Variants in TJP1 observed in about 807,000 individuals in gnomAD.
The protein encoded by TJP1 is tight junction protein ZO-1.
A neutral mutation model predicts 194.2 loss-of-function variants in TJP1; 43 were observed. That is an observed-to-expected ratio of 0.22 (90% CI 0.17 to 0.29). The LOEUF (loss-of-function observed/expected upper bound fraction) is 0.29. TJP1 is among the 10% of genes least tolerant of loss of function. The pLI is 1.00. For synonymous variants in TJP1, 801 were observed against 779.0 expected (o/e 1.03, Z -0.47); for missense variants, 1,971 against 2,185.7 (o/e 0.90, Z 1.96).
chr15:29,967,964 C>A (rs1334961418), intron 1 of TJP1: 1 of 702,010 alleles, frequency 1.4e-6, no homozygotes, highest in Non-Finnish European at 1.7e-6. Context: ...CAGTGGCATA[C>A]CTAGGTGGCT....
At chr15:29,961,151 T>A (rs1385080945) in intron 1 of TJP1, among the ~76,000 whole-genome samples, 15 of 152,024 alleles carry the variant, frequency 9.9e-5, no homozygotes, top group African/African-American at 3.6e-4. Context: ...ATAAATTCTT[T>A]TAATCCCCTG....
upstream of TJP1, chr15:29,822,959 A>C (rs2050520964): frequency 6.6e-6 from 1 of 152,184 alleles, no homozygotes; most frequent in Admixed American, 6.5e-5. Flanking sequence ...CATGGCTTTC[A>C]TCTCCGAGGA....
chr15:29,787,769 T>C (rs919724411), intron 2 of TJP1, among the ~76,000 whole-genome samples: 1 of 152,252 alleles, frequency 6.6e-6, no homozygotes, highest in Non-Finnish European at 1.5e-5. Context: ...AGATCTATTA[T>C]GAATAATGGT....
chr15:29,786,859 G>A (rs757771982), intron 2 of TJP1, among the ~76,000 whole-genome samples: 1 of 152,154 alleles, frequency 6.6e-6, no homozygotes, highest in Non-Finnish European at 1.5e-5. Flanking sequence ...TGTATGCTGA[G>A]TCCAAACCTG....
At chr15:29,761,541 C>T (rs1157307481) in intron 7 of TJP1, 60 bp downstream of exon 7, 2 of 1,526,522 alleles carry the variant, frequency 1.3e-6, no homozygotes, top group East Asian at 4.6e-5. Context: ...TGTTCAATCT[C>T]CCTAGTATTT....
At position 29,766,454 on chromosome 15, in the gene TJP1, T is replaced by C; in HGVS notation, c.401A>G (p.Glu134Gly). 6.2e-7 allele frequency: 1 copy of C among 1,613,936 alleles called. No individual in the cohort carries two copies. The highest frequency in any genetic ancestry group is 8.5e-7 in the Non-Finnish European group (1 of 1,179,938). Residue 134 changes from glutamate to glycine, a missense_variant, in exon 5 of 28, where the codon GAG becomes GGG. Coordinates refer to ENST00000614355, the MANE Select transcript of TJP1 (RefSeq NM_001330239.4). The part of the protein sequence containing the change: ...VSDNEEDSYD[E>G]EIHDPRSGRS... Reference sequence around the variant, plus strand: ...GCCACTTCTTGGATCATGTATTTCCTCATCATAACTATCTTCTTCATTATC... The same window carrying C: ...GCCACTTCTTGGATCATGTATTTCCCCATCATAACTATCTTCTTCATTATC...
intron 23 of TJP1, among the ~76,000 whole-genome samples, chr15:29,715,303 T>G (rs2042495630): frequency 6.6e-6 from 1 of 152,170 alleles, no homozygotes; most frequent in Non-Finnish European, 1.5e-5. Flanking sequence ...AAGACACGTT[T>G]TGCATTTAAT....
At chr15:29,907,750 C>T (rs1380840378) in intron 2 of TJP1, among the ~76,000 whole-genome samples, 2 of 152,000 alleles carry the variant, frequency 1.3e-5, no homozygotes, top group African/African-American at 4.8e-5. Flanking sequence ...ATGTTCATGG[C>T]CTTTGTAACC....
At chr15:29,706,997 G>A (rs1167258724) in intron 25 of TJP1, among the ~76,000 whole-genome samples, 2 of 151,996 alleles carry the variant, frequency 1.3e-5, no homozygotes, top group Non-Finnish European at 2.9e-5. Flanking sequence ...TGCATCTCAC[G>A]GCTGACAGCA....
intron 13 of TJP1, 42 bp from the exon 14 acceptor site, chr15:29,732,857 T>C (rs759052333): frequency 6.6e-6 from 10 of 1,526,530 alleles, no homozygotes; most frequent in Non-Finnish European, 5.3e-6. Flanking sequence ...GCATTTAAAA[T>C]GCAAAATGGA....
chr15:29,833,493 A>G (rs2050899805), intron 2 of TJP1, among the ~76,000 whole-genome samples: 1 of 151,946 alleles, frequency 6.6e-6, no homozygotes, highest in Non-Finnish European at 1.5e-5. Flanking sequence ...TCCCGGGTTC[A>G]AGCAATTCTC....
intron 1 of TJP1, among the ~76,000 whole-genome samples, chr15:29,807,679 AT>A (rs1239128274): frequency 1.3e-5 from 2 of 152,194 alleles, no homozygotes; most frequent in African/African-American, 4.8e-5. Flanking sequence ...CAAAAACAGA[AT>A]AAAGACAGTA....
At chr15:29,911,591 G>T (rs2054015085) in intron 2 of TJP1, among the ~76,000 whole-genome samples, 1 of 152,032 alleles carries the variant, frequency 6.6e-6, no homozygotes, top group African/African-American at 2.4e-5. Flanking sequence ...AAAGGGGGAG[G>T]TGCTACACAC....
Position 29,772,061 on chromosome 15 carries a change from T to C in TJP1, c.312+3A>G, listed in dbSNP as rs750639685. The C allele has an allele frequency of 1.3e-6, 2 of 1,583,406 alleles. No homozygotes were observed. Among genetic ancestry groups the C allele is most frequent in the East Asian group, 2.3e-5 (1 of 44,094 alleles). ...TACTAAATTACAGAGAAAAGATACT[T>C]ACAATTTTTGCATTTTTCCCACTTT... On this transcript the variant is annotated splice_donor_region_variant and intron_variant, in intron 4 of 27. Coordinates refer to ENST00000614355, the MANE Select transcript of TJP1 (RefSeq NM_001330239.4).
intron 2 of TJP1, among the ~76,000 whole-genome samples, chr15:29,886,485 T>G (rs1245682930): frequency 6.6e-6 from 1 of 151,642 alleles, no homozygotes; most frequent in Non-Finnish European, 1.5e-5. Context: ...CACAGTTACT[T>G]GGGAGGCTGA....
At chr15:29,839,931 C>G (rs942806966) in intron 2 of TJP1, among the ~76,000 whole-genome samples, 1 of 152,152 alleles carries the variant, frequency 6.6e-6, no homozygotes, top group East Asian at 1.9e-4. Context: ...TTTTTTCACT[C>G]TAGCCATTCT....
chr15:29,729,514 A>G (rs748902644), intron 15 of TJP1: 1 of 152,154 alleles, frequency 6.6e-6, no homozygotes, highest in Non-Finnish European at 1.5e-5. Flanking sequence ...AACACTATGC[A>G]GTTTAAAGAT....
chr15:29,923,869 G>A (rs1049420716), intron 2 of TJP1, among the ~76,000 whole-genome samples: 22 of 152,294 alleles, frequency 1.4e-4, no homozygotes, highest in African/African-American at 3.6e-4. Context: ...GAATGTTTGC[G>A]TGACCCCTGC....
intron 8 of TJP1, 155 bp from the exon 9 acceptor site, chr15:29,742,936 T>A: frequency 1.7e-6 from 1 of 580,936 alleles, no homozygotes; most frequent in Non-Finnish European, 2.6e-6. Flanking sequence ...TAATTAAAAA[T>A]AGAGCATTAC....
Sources: allele counts gnomAD v4.1 joint callset (sites outside exome capture counted in the v4.1 genomes callset), GRCh38; gene constraint gnomAD v4.1.1; transcripts MANE v1.5; gene names NCBI Gene and HGNC (gene_info 2026-07-23, HGNC 2026-07-21).